The following CYP4B1 variants were observed in gnomAD, a reference collection of about 807,000 sequenced individuals.
CYP4B1 encodes the protein cytochrome P450 4B1.
In CYP4B1, 45 loss-of-function variants were observed where a neutral mutation model predicts 54.0. That is an observed-to-expected ratio of 0.83 (90% CI 0.66 to 1.07). The LOEUF is 1.07. CYP4B1 is among the 50% of genes least tolerant of loss of function. The pLI is 0.00. For missense variants in CYP4B1, 656 were observed against 655.4 expected, an observed-to-expected ratio of 1.00 and a Z score of -0.01; for synonymous variants, 248 against 247.5, an observed-to-expected ratio of 1.00 and a Z score of -0.02.
chr1:46,809,430 G>C (rs1000166089), intron 1 of CYP4B1, among the ~76,000 whole-genome samples: 3 of 152,228 alleles, frequency 2.0e-5, no homozygotes, highest in Admixed American at 6.5e-5. Context: ...CAGTGAATAG[G>C]TGGCAATTGT....
intron 3 of CYP4B1, 119 bp from the exon 4 acceptor site, chr1:46,812,377 G>A (rs531324405): frequency 1.3e-5 from 16 of 1,200,098 alleles, no homozygotes; most frequent in Middle Eastern, 1.9e-4. Flanking sequence ...ATACTGGGTC[G>A]CTTAGTGGCC....
rs935913852 is a variant in CYP4B1 at position 46,814,957 on chromosome 1, T to G, written c.883-117T>G. The G allele has an allele frequency of 1.4e-5, 12 of 874,826 alleles. No homozygotes were observed. The African/African-American group carries it at 2.0e-4, about 15-fold the overall frequency. The allele number at this position is 874,826 out of a possible 1,614,324, so 54.2% of individuals were successfully genotyped here. A position where few individuals can be genotyped will look rare whatever the true frequency, so the allele number is the denominator to read the frequency against. ...TGGGGGAAGGTCCTAATCCACCCTC[T>G]GAAAAGGAGCTTTCACTCCCTCCCA... On this transcript the variant is annotated intron_variant, in intron 7 of 11. Transcript: ENST00000371923.
intron 9 of CYP4B1, chr1:46,817,485 A>C (rs1679383207): frequency 2.2e-6 from 1 of 464,042 alleles, no homozygotes; most frequent in Non-Finnish European, 3.9e-6. Context: ...GAACAGCACC[A>C]GGGAGCAACA....
At position 46,812,541 on chromosome 1, in the gene CYP4B1, G is replaced by A. The variant is rs747904682; in HGVS notation, c.413G>A (p.Arg138His). The A allele has an allele frequency of 1.1e-5, 17 of 1,613,962 alleles. No individual in the cohort carries two copies. The highest frequency in any genetic ancestry group is 6.7e-5 in the Admixed American group (4 of 59,990). Residue 138 changes from arginine (R) to histidine (H), a missense_variant, in exon 4 of 12, where the codon CGC (arginine) becomes CAC (histidine). Physicochemically the swap from Arg to His is conservative, Grantham distance 29. Coordinates refer to ENST00000371923, the MANE Select transcript of CYP4B1 (RefSeq NM_001099772.2). ...GAGGGGCCCAAGTGGTTGCAGCACCGCAAGCTGCTCACACCTGGCTTTCAT... is the reference window on the plus strand; with the variant it reads ...GAGGGGCCCAAGTGGTTGCAGCACCACAAGCTGCTCACACCTGGCTTTCAT... Reference protein sequence around the residue: ...VLEGPKWLQHRKLLTPGFHYD... With the variant: ...VLEGPKWLQHHKLLTPGFHYD...
Position 46,818,157 on chromosome 1 carries a change from T to C in CYP4B1, c.1299T>C (p.Thr433=), listed in dbSNP as rs1259853334. ...PEVFDSLRFS[T]ENASKRHPFA... is the part of the protein sequence containing the mutation. ...TCTTTGACTCTCTGCGCTTTTCCAC[T>C]GAGAATGCATCCAAACGCCATCCCT... The change falls in exon 11 of 12, where the codon ACT becomes ACC. Residue 433 remains threonine (T), a synonymous_variant. Coordinates refer to ENST00000371923, the MANE Select transcript of CYP4B1 (RefSeq NM_001099772.2). 11 of 1,614,054 alleles carry C rather than the reference T, an allele frequency of 6.8e-6. No individual in the cohort carries two copies. The highest frequency in any genetic ancestry group is 9.3e-6 in the Non-Finnish European group (11 of 1,180,022).
intron 11 of CYP4B1, among the ~76,000 whole-genome samples, 153 bp downstream of exon 11, chr1:46,818,366 A>T (rs946974904): frequency 6.6e-6 from 1 of 152,088 alleles, no homozygotes; most frequent in Admixed American, 6.5e-5. Flanking sequence ...TCTTGCAATT[A>T]TCATATTCCT....
At chr1:46,816,104 C>T (rs3766199) in intron 8 of CYP4B1, among the ~76,000 whole-genome samples, 24 of 152,284 alleles carry the variant, frequency 1.6e-4, no homozygotes, top group Non-Finnish European at 2.9e-4. Flanking sequence ...GTGAGAATCC[C>T]CCCCCCACGG....
In CYP4B1 at chr1:46,800,183, C is replaced by CTCTT. The variant is rs1553130083; in HGVS notation, c.180+934_180+937dup. 4.5e-4 allele frequency among the ~76,000 whole-genome samples: 9 copies of CTCTT among 19,898 alleles called. 1 individual carries two copies. The highest frequency in any genetic ancestry group is 8.0e-4 in the Admixed American group (1 of 1,254). 13.1% of individuals were successfully genotyped at this position (19,898 alleles called of 152,430 possible). On this transcript the variant is annotated intron_variant, in intron 1 of 11. Transcript: ENST00000371923. ...TTCTTTCTTTTTTTCTTCTTTCTTT[C>CTCTT]TCTTTCTTTCTTTCTCTTTCTTTCT...
At chr1:46,809,529 A>G (rs1230585266) in intron 1 of CYP4B1, among the ~76,000 whole-genome samples, 1 of 152,238 alleles carries the variant, frequency 6.6e-6, no homozygotes, top group African/African-American at 2.4e-5. Context: ...TAACCTCTCT[A>G]TTCCTTAGGC....
intron 8 of CYP4B1, among the ~76,000 whole-genome samples, chr1:46,815,734 A>G (rs561617089): frequency 7.9e-5 from 12 of 152,198 alleles, no homozygotes; most frequent in Non-Finnish European, 1.8e-4. Flanking sequence ...GACTTCCCCA[A>G]ACTTCATCAC....
At chr1:46,800,440 C>A (rs781087486) in intron 1 of CYP4B1, among the ~76,000 whole-genome samples, 2 of 151,704 alleles carry the variant, frequency 1.3e-5, no homozygotes, top group Non-Finnish European at 2.9e-5. Context: ...AAGCAATTCT[C>A]GTGCCTCAGC....
chr1:46,808,330 T>A (rs1027203425), intron 1 of CYP4B1, among the ~76,000 whole-genome samples: 1 of 151,838 alleles, frequency 6.6e-6, no homozygotes, highest in African/African-American at 2.4e-5. Context: ...TTTTAATGAT[T>A]GTCATTCTAA....
At chr1:46,814,898 C>T (rs1284255317) in intron 7 of CYP4B1, 176 bp from the exon 8 acceptor site, 1 of 610,180 alleles carries the variant, frequency 1.6e-6, no homozygotes, top group Non-Finnish European at 2.9e-6. Flanking sequence ...GAGGAGGAGG[C>T]ATCCAGGCTG....
At chr1:46,804,980 C>A (rs1020668298) in intron 1 of CYP4B1, among the ~76,000 whole-genome samples, 1 of 152,078 alleles carries the variant, frequency 6.6e-6, no homozygotes, top group African/African-American at 2.4e-5. Context: ...GTATTTGATT[C>A]TTTTTATTTT....
At chr1:46,800,256 T>C in intron 1 of CYP4B1, among the ~76,000 whole-genome samples, 1 of 105,408 alleles carries the variant, frequency 9.5e-6, no homozygotes, top group Non-Finnish European at 2.0e-5. Context: ...CTTCCTTCCT[T>C]CCTTCCTTCC....
chr1:46,814,727 TCCTTCC>T, intron 7 of CYP4B1: 1 of 358,250 alleles, frequency 2.8e-6, no homozygotes, highest in South Asian at 3.7e-5. Context: ...ACCTGGCCCT[TCCTTCC>T]AGATGCTTAC....
At position 46,817,993 on chromosome 1, in the gene CYP4B1, C is replaced by T; in HGVS notation, c.1236C>T (p.Ala412=). 1 of 1,614,186 alleles carries T rather than the reference C, an allele frequency of 6.2e-7. No individual in the cohort carries two copies. Among genetic ancestry groups the T allele is most frequent in the Non-Finnish European group, 8.5e-7 (1 of 1,180,020 alleles). The change falls in exon 10 of 12, where the codon GCC becomes GCT. Residue 412 remains alanine (A), a synonymous_variant. Coordinates refer to ENST00000371923, the MANE Select transcript of CYP4B1 (RefSeq NM_001099772.2). ...GCCTGATCTCTATGCATATCTATGC[C>T]CTCCATAGGAACAGTGCTGTATGGC... The part of the protein sequence containing the change: ...AGSLISMHIY[A]LHRNSAVWPD...
chr1:46,812,965 T>C (rs1235792482), intron 4 of CYP4B1, among the ~76,000 whole-genome samples: 1 of 152,180 alleles, frequency 6.6e-6, no homozygotes, highest in Non-Finnish European at 1.5e-5. Context: ...TTTGAGAGTA[T>C]GGGGAAAGGC....
chr1:46,813,710 C>T lies in CYP4B1; in HGVS notation c.620+104C>T, dbSNP rs1679208375. 3 of 1,519,984 alleles carry T rather than the reference C, an allele frequency of 2.0e-6. No homozygotes were observed. In the East Asian group the frequency reaches 6.8e-5, roughly 35 times the overall value. 94.2% of individuals were successfully genotyped at this position (1,519,984 alleles called of 1,614,324 possible). On this transcript the variant is annotated intron_variant, in intron 5 of 11. Coordinates refer to ENST00000371923, the MANE Select transcript of CYP4B1 (RefSeq NM_001099772.2). ...TGATCTGAGAAGAGATAGGGTCCTGCCCCAGGGAGCCTTAGCTTGCGGGGA... is the reference window on the plus strand; with the variant it reads ...TGATCTGAGAAGAGATAGGGTCCTGTCCCAGGGAGCCTTAGCTTGCGGGGA...
Sources: gnomAD v4.1 joint callset for allele counts (sites outside exome capture counted in the v4.1 genomes callset) on GRCh38, gnomAD v4.1.1 for gene constraint, MANE v1.5 for transcripts, NCBI Gene and HGNC (gene_info 2026-07-23, HGNC 2026-07-21) for gene names.